ATG10: variants seen among roughly 807,000 people sequenced by gnomAD.
The protein encoded by ATG10 is autophagy related 10.
A neutral mutation model predicts 32.1 loss-of-function variants in ATG10; 30 were observed. The ratio of observed to expected loss-of-function variants is 0.94; its 90% CI spans 0.70 to 1.27. The LOEUF (loss-of-function observed/expected upper bound fraction) is 1.27, where lower values mean the gene tolerates loss of function less well. ATG10 is among the 50% of genes most tolerant of loss of function. The pLI, the probability that ATG10 is intolerant of heterozygous loss-of-function variation, is 0.00. For missense variants in ATG10, 233 were observed against 262.3 expected (o/e 0.89, Z 0.77); for synonymous variants, 87 against 91.5 (o/e 0.95, Z 0.28).
At chr5:82,085,331 G>A (rs572119056) in intron 3 of ATG10, among the ~76,000 whole-genome samples, 2 of 152,026 alleles carry the variant, frequency 1.3e-5, no homozygotes, top group Admixed American at 1.3e-4. Context: ...GATTCATAAA[G>A]CAAGTTCTTA....
At chr5:82,192,265 G>T (rs1277671066) in intron 5 of ATG10, among the ~76,000 whole-genome samples, 3 of 152,158 alleles carry the variant, frequency 2.0e-5, no homozygotes, top group Non-Finnish European at 4.4e-5. Context: ...AGAAGAGGCG[G>T]TAGGTTGGAT....
intron 2 of ATG10, among the ~76,000 whole-genome samples, chr5:82,008,586 A>T (rs1020203095): frequency 2.6e-5 from 4 of 152,258 alleles, no homozygotes; most frequent in African/African-American, 9.6e-5. Context: ...GAAAAATTTT[A>T]AAATGATAGT....
At chr5:82,243,560 A>G (rs1026996956) in intron 5 of ATG10, among the ~76,000 whole-genome samples, 3 of 152,168 alleles carry the variant, frequency 2.0e-5, no homozygotes, top group African/African-American at 7.2e-5. Flanking sequence ...GGCAGAAAGC[A>G]TATTAGTGAT....
chr5:82,022,311 A>G (rs1581607466), intron 2 of ATG10, among the ~76,000 whole-genome samples: 1 of 151,142 alleles, frequency 6.6e-6, no homozygotes, highest in South Asian at 2.1e-4. Context: ...GTGGTGTATT[A>G]CTTTGATTAA....
intron 3 of ATG10, among the ~76,000 whole-genome samples, chr5:82,083,498 A>T (rs900829306): frequency 6.6e-6 from 1 of 152,202 alleles, no homozygotes; most frequent in Non-Finnish European, 1.5e-5. Context: ...CTCCCAGCAC[A>T]GAGTTTGAGA....
In ATG10 at chr5:82,052,614, C is replaced by G. The variant is rs575624767; in HGVS notation, c.109-5881C>G. Among the ~76,000 whole-genome samples, 6 of 152,318 alleles carry G rather than the reference C, an allele frequency of 3.9e-5. No homozygotes were observed. The South Asian group carries it at 1.0e-3, about 26-fold the overall frequency. ...AAAAAGTTAAGTCTCCTTTCTAACCCTTCTACTTTCCTTACTCAAACCTTT... is the reference window on the plus strand; with the variant it reads ...AAAAAGTTAAGTCTCCTTTCTAACCGTTCTACTTTCCTTACTCAAACCTTT... On this transcript the variant is annotated intron_variant, in intron 2 of 7. Coordinates refer to ENST00000282185, the MANE Select transcript of ATG10 (RefSeq NM_031482.5).
intron 5 of ATG10, among the ~76,000 whole-genome samples, chr5:82,228,985 T>G (rs1382812651): frequency 6.6e-6 from 1 of 152,216 alleles, no homozygotes; most frequent in Non-Finnish European, 1.5e-5. Flanking sequence ...AGAAAGTCGA[T>G]TTGACTTGTG....
intron 3 of ATG10, among the ~76,000 whole-genome samples, chr5:82,140,071 G>T (rs1273662830): frequency 7.2e-6 from 1 of 139,740 alleles, no homozygotes; most frequent in Admixed American, 6.9e-5. Context: ...GAGGTGGGAG[G>T]GTCAGCCCTC....
intron 3 of ATG10, among the ~76,000 whole-genome samples, chr5:82,083,103 G>A (rs1353163877): frequency 6.6e-6 from 1 of 152,212 alleles, no homozygotes; most frequent in Non-Finnish European, 1.5e-5. Context: ...GTGACAGATG[G>A]TACCTGGAAA....
chr5:82,194,359 C>G (rs1744773587), intron 5 of ATG10, among the ~76,000 whole-genome samples: 1 of 152,088 alleles, frequency 6.6e-6, no homozygotes, highest in Non-Finnish European at 1.5e-5. Flanking sequence ...AATGGCTAAG[C>G]TAGAGGGCAC....
chr5:81,982,807 C>A (rs1185022310), intron 1 of ATG10, among the ~76,000 whole-genome samples: 1 of 152,218 alleles, frequency 6.6e-6, no homozygotes, highest in African/African-American at 2.4e-5. Flanking sequence ...TAACAAAGCA[C>A]ATCTTGCACC....
chr5:82,136,366 G>A (rs1335079878), intron 3 of ATG10, among the ~76,000 whole-genome samples: 1 of 152,288 alleles, frequency 6.6e-6, no homozygotes, highest in South Asian at 2.1e-4. Flanking sequence ...GCTGGTACTG[G>A]TTTTTCCTTT....
chr5:82,212,036 A>T (rs1450909431), intron 5 of ATG10, among the ~76,000 whole-genome samples: 1 of 152,230 alleles, frequency 6.6e-6, no homozygotes, highest in African/African-American at 2.4e-5. Context: ...CTCAACGGAC[A>T]TGCAAAACTG....
chr5:82,184,799 T>G (rs1296323644), intron 5 of ATG10, among the ~76,000 whole-genome samples: 2 of 152,200 alleles, frequency 1.3e-5, no homozygotes, highest in East Asian at 3.8e-4. Context: ...CTAAAGGTAT[T>G]GTAGACCCCA....
intron 5 of ATG10, among the ~76,000 whole-genome samples, chr5:82,225,772 A>G (rs1213102670): frequency 6.6e-6 from 1 of 152,172 alleles, no homozygotes; most frequent in African/African-American, 2.4e-5. Flanking sequence ...CTGGTGGTCA[A>G]CATTATAAAT....
chr5:82,197,578 G>T (rs1174047463), intron 5 of ATG10, among the ~76,000 whole-genome samples: 1 of 151,916 alleles, frequency 6.6e-6, no homozygotes, highest in African/African-American at 2.4e-5. Flanking sequence ...TTTGGTATTT[G>T]GATGTGGCAT....
At chr5:82,048,630 A>C (rs1763299737) in intron 2 of ATG10, among the ~76,000 whole-genome samples, 1 of 152,160 alleles carries the variant, frequency 6.6e-6, no homozygotes, top group Admixed American at 6.5e-5. Context: ...AATGGGAGAA[A>C]ATTTTCACAA....
At chr5:82,050,026 C>G (rs547178923) in intron 2 of ATG10, among the ~76,000 whole-genome samples, 1 of 152,080 alleles carries the variant, frequency 6.6e-6, no homozygotes, top group Non-Finnish European at 1.5e-5. Flanking sequence ...TCCTTCTCCT[C>G]TGACCCAATT....
intron 3 of ATG10, among the ~76,000 whole-genome samples, chr5:82,138,334 T>A (rs1013222106): frequency 6.6e-6 from 1 of 152,180 alleles, no homozygotes; most frequent in Non-Finnish European, 1.5e-5. Context: ...GTTTTGTGCT[T>A]CAAACCCAGG....
Sources: allele counts gnomAD v4.1 joint callset (sites outside exome capture counted in the v4.1 genomes callset), GRCh38; gene constraint gnomAD v4.1.1; transcripts MANE v1.5; gene names NCBI Gene and HGNC (gene_info 2026-07-23, HGNC 2026-07-21).